Variants in DNPEP observed in about 807,000 individuals in gnomAD.
The protein encoded by DNPEP is aspartyl aminopeptidase.
In DNPEP, 46 loss-of-function variants were observed where a neutral mutation model predicts 59.1. The ratio of observed to expected loss-of-function variants is 0.78; its 90% CI spans 0.61 to 0.99. The LOEUF (loss-of-function observed/expected upper bound fraction) is 0.99, where lower values mean the gene tolerates loss of function less well. Ranked by LOEUF, DNPEP falls within the 50% of genes least tolerant of loss-of-function variation. DNPEP has a pLI of 0.00. For synonymous variants in DNPEP, 229 were observed against 242.2 expected (o/e 0.95, Z 0.50); for missense variants, 617 against 649.9 (o/e 0.95, Z 0.55).
chr2:219,384,328 G>T, intron 9 of DNPEP, 38 bp downstream of exon 9: 2 of 1,578,284 alleles, frequency 1.3e-6, no homozygotes, highest in South Asian at 1.2e-5. Context: ...CACCTCTGCT[G>T]GTGGTTATGT....
chr2:219,388,957 G>C, upstream of DNPEP: 1 of 796,110 alleles, frequency 1.3e-6, no homozygotes, highest in Non-Finnish European at 1.5e-6. Context: ...GGCACAGGTG[G>C]GGTTTGAACT....
At chr2:219,388,886 G>T (rs1453946667), upstream of DNPEP, 8 of 985,110 alleles carry the variant, frequency 8.1e-6, no homozygotes, top group Non-Finnish European at 9.6e-6. Context: ...ACTGTCCCCA[G>T]TTTATGCATG....
At chr2:219,394,376 C>G (rs904283524) in intron 1 of DNPEP, among the ~76,000 whole-genome samples, 3 of 152,220 alleles carry the variant, frequency 2.0e-5, no homozygotes, top group Admixed American at 2.0e-4. Flanking sequence ...ACCCTCACCA[C>G]CACTCCTTTG....
upstream of DNPEP, among the ~76,000 whole-genome samples, chr2:219,388,278 T>TA (rs1189564940): frequency 1.1e-3 from 135 of 125,674 alleles, no homozygotes; most frequent in African/African-American, 3.5e-3. Flanking sequence ...GCCCTCGCTG[T>TA]ACCCCACTAC....
At chr2:219,391,413 A>T (rs1050982010), upstream of DNPEP, among the ~76,000 whole-genome samples, 2 of 152,234 alleles carry the variant, frequency 1.3e-5, no homozygotes, top group Non-Finnish European at 2.9e-5. Flanking sequence ...GTGCGGAAGC[A>T]TGCCATTATG....
intron 8 of DNPEP, 28 bp downstream of exon 8, chr2:219,385,396 C>T: frequency 6.4e-7 from 1 of 1,554,632 alleles, no homozygotes; most frequent in South Asian, 1.1e-5. Context: ...AGGCCCTTCA[C>T]CCACAGGTTC....
Position 219,399,924 on chromosome 2 carries a change from A to G in DNPEP, c.-158+16T>C, listed in dbSNP as rs1460834232. On this transcript the variant is annotated intron_variant, in intron 1 of 6. Coordinates refer to the DNPEP transcript ENST00000434339. ...GAACATGATGGAGAGGCTCCGAGCC[A>G]TGGTGACCTGCTCACCTCCTCCCAA... The G allele has an allele frequency of 2.6e-6, 4 of 1,550,486 alleles. No homozygotes were observed. In the East Asian group the frequency reaches 7.3e-5, roughly 28 times the overall value.
At chr2:219,376,475 G>A (rs1237443775) in intron 13 of DNPEP, among the ~76,000 whole-genome samples, 5 of 147,018 alleles carry the variant, frequency 3.4e-5, no homozygotes, top group Non-Finnish European at 6.0e-5. Context: ...GCAACAGAGC[G>A]AGACCCTGTC....
At chr2:219,399,503 G>A (rs2125156711) in intron 1 of DNPEP, 1 of 479,836 alleles carries the variant, frequency 2.1e-6, no homozygotes, top group South Asian at 1.5e-5. Context: ...AACAGGTGCT[G>A]CAAGTAATTT....
chr2:219,382,193 G>A, intron 10 of DNPEP, 54 bp from the exon 11 acceptor site: 1 of 1,570,510 alleles, frequency 6.4e-7, no homozygotes. Context: ...GCCTGATCTT[G>A]GAAGCCAGTG....
chr2:219,396,068 T>C (rs1954092192), intron 1 of DNPEP, among the ~76,000 whole-genome samples: 1 of 152,154 alleles, frequency 6.6e-6, no homozygotes, highest in Non-Finnish European at 1.5e-5. Context: ...TGCCTTATGC[T>C]GAGTGAAAAA....
intron 5 of DNPEP, 24 bp downstream of exon 5, chr2:219,386,262 G>A (rs556896404): frequency 1.2e-4 from 194 of 1,613,854 alleles, no homozygotes; most frequent in Middle Eastern, 3.3e-4. Context: ...AGGAGGCTCC[G>A]CCATCCCCAA....
rs1222994168 is a variant in DNPEP at position 219,387,147 on chromosome 2, T to G, written c.53A>C (p.Lys18Thr). Residue 18 changes from lysine (K) to threonine (T), a missense_variant, in exon 2 of 15, where the codon AAG becomes ACG. By Grantham distance (78) the Lys-to-Thr change is moderately conservative. Coordinates refer to ENST00000273075, the MANE Select transcript of DNPEP (RefSeq NM_012100.4). ...RGAMQVAMNG[K>T]ARKEAVQTAA... ...AGTCTGCACCGCCTCTTTGCGGGCC[T>G]TACCGTTCATGGCCACCTAGGGGAG... 6.4e-7 allele frequency: 1 copy of G among 1,561,308 alleles called. No homozygotes were observed. Among genetic ancestry groups the G allele is most frequent in the Non-Finnish European group, 8.7e-7 (1 of 1,151,970 alleles).
intron 8 of DNPEP, 63 bp downstream of exon 8, chr2:219,385,361 G>A (rs754354867): frequency 3.2e-5 from 36 of 1,125,366 alleles, no homozygotes; most frequent in Middle Eastern, 2.2e-4. Flanking sequence ...TCAGCAGGAC[G>A]GGCTAGGGGT....
At chr2:219,396,996 CA>C (rs1954108306) in intron 1 of DNPEP, among the ~76,000 whole-genome samples, 1 of 152,086 alleles carries the variant, frequency 6.6e-6, no homozygotes, top group African/African-American at 2.4e-5. Flanking sequence ...ACTAACCTTG[CA>C]AGTTTTATGG....
At chr2:219,399,322 C>T (rs1954148318) in intron 1 of DNPEP, 1 of 388,566 alleles carries the variant, frequency 2.6e-6, no homozygotes, top group Non-Finnish European at 5.1e-6. Context: ...GAAACCGACC[C>T]ACCCTGGTCC....
chr2:219,394,315 C>T lies in DNPEP; in HGVS notation c.-158+5625G>A, dbSNP rs527807000. Among the ~76,000 whole-genome samples, 127 of 152,284 alleles carry T rather than the reference C, an allele frequency of 8.3e-4. 1 individual carries two copies. Among genetic ancestry groups the T allele is most frequent in the African/African-American group, 2.1e-3 (87 of 41,566 alleles). On this transcript the variant is annotated intron_variant, in intron 1 of 6. Transcript: ENST00000434339. ...ACCCATGGGTCCTATTTGACATAGC[C>T]GTTTGCTCTCCTGGGAACACTCTCT...
intron 8 of DNPEP, chr2:219,384,767 C>T (rs1953741039): frequency 3.9e-6 from 1 of 256,920 alleles, no homozygotes; most frequent in Non-Finnish European, 7.7e-6. Context: ...CAGGGTTTCA[C>T]CATGGTGGTC....
intron 8 of DNPEP, 36 bp downstream of exon 8, chr2:219,385,388 G>T: frequency 1.4e-6 from 2 of 1,479,508 alleles, no homozygotes; most frequent in Non-Finnish European, 1.9e-6. Context: ...GATCCTGGAG[G>T]CCCTTCACCC....
Sources: gnomAD v4.1 joint callset for allele counts (sites outside exome capture counted in the v4.1 genomes callset) on GRCh38, gnomAD v4.1.1 for gene constraint, MANE v1.5 for transcripts, NCBI Gene and HGNC (gene_info 2026-07-23, HGNC 2026-07-21) for gene names.